Variants in NCOA2 observed in about 807,000 individuals in gnomAD.
NCOA2 encodes nuclear receptor coactivator 2.
Under a neutral mutation model 145.1 loss-of-function variants are expected in NCOA2, and 21 were observed. The observed-to-expected ratio is 0.14, with a 90% CI of 0.10 to 0.21. NCOA2 has a LOEUF of 0.21. NCOA2 is among the 10% of genes least tolerant of loss of function. NCOA2 has a pLI of 1.00. For synonymous variants in NCOA2, 619 were observed against 637.5 expected (o/e 0.97, Z 0.44); for missense variants, 1,472 against 1,837.6 (o/e 0.80, Z 3.64).
intron 1 of NCOA2, among the ~76,000 whole-genome samples, chr8:70,384,609 T>C (rs898410024): frequency 1.3e-5 from 2 of 152,236 alleles, no homozygotes; most frequent in East Asian, 1.9e-4. Flanking sequence ...GTGAATTTTA[T>C]ATACTATATT....
At chr8:70,345,754 G>A (rs1467730527) in intron 1 of NCOA2, among the ~76,000 whole-genome samples, 1 of 152,060 alleles carries the variant, frequency 6.6e-6, no homozygotes, top group African/African-American at 2.4e-5. Context: ...GCAAAATGAT[G>A]CCAAGTGATT....
intron 2 of NCOA2, among the ~76,000 whole-genome samples, chr8:70,287,784 T>C (rs1312520752): frequency 6.6e-6 from 1 of 152,200 alleles, no homozygotes; most frequent in Non-Finnish European, 1.5e-5. Flanking sequence ...GTAGCCACAA[T>C]GATATGAGCC....
At chr8:70,287,843 T>C (rs1216953918) in intron 2 of NCOA2, among the ~76,000 whole-genome samples, 2 of 152,320 alleles carry the variant, frequency 1.3e-5, no homozygotes, top group South Asian at 2.1e-4. Context: ...TTAAGCCTTG[T>C]CACAGCCTTA....
At chr8:70,166,444 T>C in intron 7 of NCOA2, 122 bp downstream of exon 7, 4 of 1,164,204 alleles carry the variant, frequency 3.4e-6, no homozygotes, top group Non-Finnish European at 5.0e-6. Flanking sequence ...AACAGTAAAA[T>C]TGAAAAGAAC....
intron 1 of NCOA2, among the ~76,000 whole-genome samples, chr8:70,385,095 G>T (rs1463396926): frequency 2.0e-5 from 3 of 152,166 alleles, no homozygotes; most frequent in Admixed American, 6.5e-5. Context: ...ATAAAAACCT[G>T]ACCATAAATA....
At chr8:70,402,846 GCCCGGCTCGGCGCCGCCGGGGCCCGGCC>G (rs1563852493) in intron 1 of NCOA2, among the ~76,000 whole-genome samples, 1 of 148,002 alleles carries the variant, frequency 6.8e-6, no homozygotes, top group Non-Finnish European at 1.5e-5. Flanking sequence ...TCAGGGGCGA[GCCCGGCTCGGCGCCGCCGGGGCCCGGCC>G]CCCGGCTCCC....
the NCOA2 span, among the ~76,000 whole-genome samples, chr8:70,447,820 G>A: frequency 1.3e-5 from 2 of 151,508 alleles, no homozygotes; most frequent in Non-Finnish European, 2.9e-5. Context: ...GAGTCGTTAG[G>A]ACTACAGGAG....
chr8:70,257,880 CA>C (rs555764379), intron 2 of NCOA2, among the ~76,000 whole-genome samples: 508 of 137,020 alleles, frequency 3.7e-3, no homozygotes, highest in Admixed American at 3.9e-3. Flanking sequence ...GCAACAACAG[CA>C]AAAAAAAAAA....
intron 1 of NCOA2, among the ~76,000 whole-genome samples, chr8:70,397,401 T>C (rs760114027): frequency 4.1e-5 from 6 of 147,026 alleles, no homozygotes; most frequent in Non-Finnish European, 7.4e-5. Context: ...TGCAGTGAGC[T>C]GAGATCACAC....
chr8:70,346,424 G>T (rs1435314667), intron 1 of NCOA2, among the ~76,000 whole-genome samples: 2 of 152,184 alleles, frequency 1.3e-5, no homozygotes, highest in Admixed American at 6.5e-5. Flanking sequence ...GCCTGTAGCT[G>T]CACTGAGCTC....
At chr8:70,241,426 AAT>A (rs1469573646) in intron 2 of NCOA2, among the ~76,000 whole-genome samples, 3 of 152,082 alleles carry the variant, frequency 2.0e-5, no homozygotes, top group African/African-American at 7.2e-5. Flanking sequence ...AATGTTCATG[AAT>A]ATGTTTCTTT....
chr8:70,138,729 GAAGA>G (rs1334252276), intron 14 of NCOA2, among the ~76,000 whole-genome samples: 1 of 152,188 alleles, frequency 6.6e-6, no homozygotes, highest in Non-Finnish European at 1.5e-5. Context: ...CAAGTAAGTG[GAAGA>G]AATAAGATTT....
chr8:70,407,629 A>C (rs1814803384), upstream of NCOA2, among the ~76,000 whole-genome samples: 1 of 151,742 alleles, frequency 6.6e-6, no homozygotes, highest in Admixed American at 6.6e-5. Flanking sequence ...TGTACTAAAA[A>C]TACAAAAAAA....
In NCOA2 at chr8:70,139,761, C is replaced by A. The variant is rs368167944; in HGVS notation, c.3028+1423G>T. Among the ~76,000 whole-genome samples, 13 of 144,828 alleles carry A rather than the reference C, an allele frequency of 9.0e-5. No homozygotes were observed. In the South Asian group the frequency reaches 2.9e-3, roughly 32 times the overall value. On this transcript the variant is annotated intron_variant, in intron 14 of 22. Coordinates refer to ENST00000452400, the MANE Select transcript of NCOA2 (RefSeq NM_006540.4). ...TCTGTCTCCCGGGTTCAAGCAATTT[C>A]CCTACCGCAACCTCCTGAGTAGCTG... is the stretch of plus-strand genomic sequence containing the variant.
chr8:70,342,774 T>TACACACACAC (rs370685018), intron 1 of NCOA2, among the ~76,000 whole-genome samples: 32 of 124,130 alleles, frequency 2.6e-4, no homozygotes, highest in Non-Finnish European at 4.1e-4. Context: ...CTTTTGCAAT[T>TACACACACAC]ACACACACAC....
intron 1 of NCOA2, among the ~76,000 whole-genome samples, chr8:70,343,253 C>G (rs1196018406): frequency 4.6e-5 from 7 of 152,130 alleles, no homozygotes; most frequent in Admixed American, 3.9e-4. Flanking sequence ...AAAATTTCTA[C>G]TTATGCCTTT....
At chr8:70,340,458 G>A (rs532752813) in intron 1 of NCOA2, among the ~76,000 whole-genome samples, 15 of 152,262 alleles carry the variant, frequency 9.9e-5, no homozygotes, top group African/African-American at 3.6e-4. Context: ...ATGCTAGCGA[G>A]GTTGCAGAGA....
upstream of NCOA2, among the ~76,000 whole-genome samples, chr8:70,406,641 C>T (rs953889953): frequency 6.6e-6 from 1 of 152,140 alleles, no homozygotes; most frequent in Non-Finnish European, 1.5e-5. Flanking sequence ...ATCATAAATG[C>T]AGCATGGAAA....
At chr8:70,123,112 C>G (rs2131374267) in intron 21 of NCOA2, among the ~76,000 whole-genome samples, 1 of 152,302 alleles carries the variant, frequency 6.6e-6, no homozygotes, top group South Asian at 2.1e-4. Flanking sequence ...ACTGCTATCT[C>G]AAATGCTTTG....
Sources: gnomAD v4.1 joint callset for allele counts (sites outside exome capture counted in the v4.1 genomes callset) on GRCh38, gnomAD v4.1.1 for gene constraint, MANE v1.5 for transcripts, NCBI Gene and HGNC (gene_info 2026-07-23, HGNC 2026-07-21) for gene names.